The following ATP13A4 variants were observed in gnomAD, a reference collection of about 807,000 sequenced individuals.
ATP13A4 encodes the protein ATPase 13A4.
In ATP13A4, 114 loss-of-function variants were observed where a neutral mutation model predicts 142.5. The ratio of observed to expected loss-of-function variants is 0.80; its 90% CI spans 0.69 to 0.93. The LOEUF (loss-of-function observed/expected upper bound fraction) is 0.93. ATP13A4 is among the 40% of genes least tolerant of loss of function. The pLI is 0.00. For missense variants in ATP13A4, 1,392 were observed against 1,454.0 expected (o/e 0.96, Z 0.69); for synonymous variants, 488 against 514.8 (o/e 0.95, Z 0.70).
chr3:193,465,160 A>G, intron 11 of ATP13A4, 32 bp from the exon 12 acceptor site: 1 of 1,606,630 alleles, frequency 6.2e-7, no homozygotes, highest in Non-Finnish European at 8.5e-7. Flanking sequence ...ATTATTACAG[A>G]CAAATCTCTG....
At chr3:193,415,184 T>C (rs1375677986) in intron 25 of ATP13A4, among the ~76,000 whole-genome samples, 1 of 152,160 alleles carries the variant, frequency 6.6e-6, no homozygotes, top group Non-Finnish European at 1.5e-5. Flanking sequence ...TGTGAAAAAA[T>C]ATTCATTATG....
chr3:193,560,274 T>C (rs1422359733), intron 2 of ATP13A4, among the ~76,000 whole-genome samples: 99 of 151,942 alleles, frequency 6.5e-4, no homozygotes, highest in Non-Finnish European at 2.4e-4. Context: ...AGAGGTGCAA[T>C]CATGGTTCAC....
At chr3:193,478,334 A>G (rs1295464524) in intron 8 of ATP13A4, among the ~76,000 whole-genome samples, 1 of 151,988 alleles carries the variant, frequency 6.6e-6, no homozygotes, top group African/African-American at 2.4e-5. Context: ...ATTAAACAAA[A>G]AGCTGGTTCT....
intron 18 of ATP13A4, among the ~76,000 whole-genome samples, chr3:193,444,309 G>A (rs931690976): frequency 2.0e-5 from 3 of 152,178 alleles, no homozygotes; most frequent in Admixed American, 6.5e-5. Flanking sequence ...ACTTTGAAGT[G>A]TCAACTCTGA....
intron 8 of ATP13A4, among the ~76,000 whole-genome samples, chr3:193,480,740 G>C (rs749404191): frequency 2.0e-5 from 3 of 152,092 alleles, no homozygotes; most frequent in Non-Finnish European, 2.9e-5. Flanking sequence ...AGAACTAAAA[G>C]TAAATCTACC....
chr3:193,440,648 C>A lies in ATP13A4; in HGVS notation c.2440-11G>T, dbSNP rs1418991547. 2.5e-6 allele frequency: 4 copies of A among 1,613,348 alleles called. No homozygotes were observed. In the African/African-American group the frequency reaches 5.3e-5, roughly 22 times the overall value. On this transcript the variant is annotated splice_polypyrimidine_tract_variant and intron_variant, in intron 20 of 29. Coordinates refer to ENST00000342695, the MANE Select transcript of ATP13A4 (RefSeq NM_032279.4). ...CCCATTGATCAATATCTGTAAGGAA[C>A]CCAAAATGGAGATTTTTTTATCAAG... is the stretch of plus-strand genomic sequence containing the variant.
intron 8 of ATP13A4, among the ~76,000 whole-genome samples, chr3:193,473,191 G>T (rs1239948976): frequency 4.6e-5 from 7 of 152,252 alleles, no homozygotes; most frequent in Non-Finnish European, 8.8e-5. Flanking sequence ...GAATGTTGGG[G>T]ACATATTACA....
chr3:193,454,145 G>C lies in ATP13A4; in HGVS notation c.1983C>G (p.Ala661=). The C allele has an allele frequency of 6.2e-7, 1 of 1,614,068 alleles. No homozygotes were observed. Among genetic ancestry groups the C allele is most frequent in the Non-Finnish European group, 8.5e-7 (1 of 1,179,938 alleles). The change falls in exon 17 of 30, where the codon GCC becomes GCG. Residue 661 remains alanine (A), a synonymous_variant. Coordinates refer to ENST00000342695, the MANE Select transcript of ATP13A4 (RefSeq NM_032279.4). The part of the protein sequence containing the change: ...TTQGFRVIAL[A]YKKLENDHHA... ...GATGGTCATTTTCCAGCTTCTTGTA[G>C]GCCAGTGCTATGACTCGGAAGCCCT...
At chr3:193,501,102 A>G (rs1393479738) in intron 3 of ATP13A4, among the ~76,000 whole-genome samples, 2 of 152,164 alleles carry the variant, frequency 1.3e-5, no homozygotes, top group African/African-American at 4.8e-5. Flanking sequence ...TGACTTGGCC[A>G]TTTCTTCATT....
intron 19 of ATP13A4, among the ~76,000 whole-genome samples, chr3:193,441,862 T>C (rs1400461226): frequency 1.3e-5 from 2 of 152,208 alleles, no homozygotes; most frequent in African/African-American, 4.8e-5. Context: ...ATATCAAGTG[T>C]AAAATACAAA....
intron 1 of ATP13A4, among the ~76,000 whole-genome samples, chr3:193,529,202 G>A (rs1053326955): frequency 1.5e-4 from 23 of 151,908 alleles, no homozygotes; most frequent in African/African-American, 5.1e-4. Flanking sequence ...CCCAGGATGC[G>A]GAGGTTGCAG....
At chr3:193,447,563 A>G (rs1457745319) in intron 18 of ATP13A4, among the ~76,000 whole-genome samples, 1 of 152,172 alleles carries the variant, frequency 6.6e-6, no homozygotes, top group East Asian at 1.9e-4. Context: ...TCATTAGGAA[A>G]TCATTTATTC....
intron 12 of ATP13A4, among the ~76,000 whole-genome samples, chr3:193,464,619 T>C (rs559578224): frequency 1.3e-5 from 2 of 152,228 alleles, no homozygotes; most frequent in East Asian, 1.9e-4. Flanking sequence ...GCAGTGACGA[T>C]AGCAAAGGGT....
At chr3:193,404,452 G>A (rs977899711) in intron 29 of ATP13A4, among the ~76,000 whole-genome samples, 2 of 152,138 alleles carry the variant, frequency 1.3e-5, no homozygotes, top group African/African-American at 4.8e-5. Context: ...ATCTGAATTT[G>A]TATTTCCATC....
At chr3:193,467,774 A>G (rs1718388526) in intron 9 of ATP13A4, among the ~76,000 whole-genome samples, 1 of 152,214 alleles carries the variant, frequency 6.6e-6, no homozygotes, top group African/African-American at 2.4e-5. Context: ...ATAACTATTT[A>G]GGGAACCACA....
chr3:193,413,595 C>A (rs1714891939), intron 26 of ATP13A4, among the ~76,000 whole-genome samples: 1 of 152,136 alleles, frequency 6.6e-6, no homozygotes, highest in African/African-American at 2.4e-5. Context: ...GGAAGGAATG[C>A]ATTCCTGGAG....
In ATP13A4 at chr3:193,529,578, G is replaced by C. The variant is rs139323583; in HGVS notation, c.61-14707C>G. 4.6e-3 allele frequency among the ~76,000 whole-genome samples: 702 copies of C among 151,472 alleles called. 6 individuals carry two copies. Among genetic ancestry groups the C allele is most frequent in the African/African-American group, 0.016 (664 of 41,288 alleles). ...GGAAGGGCCACTCGTCATTGTGCAA[G>C]AGTGCCAAAATGCTAATAACGACAC... On this transcript the variant is annotated intron_variant, in intron 1 of 29. Coordinates refer to ENST00000342695, the MANE Select transcript of ATP13A4 (RefSeq NM_032279.4).
chr3:193,415,529 C>T lies in ATP13A4; in HGVS notation c.2843-779G>A, dbSNP rs574137575. ...AGCTTAGTGACAATCCTGAAGATAG[C>T]CTGCATTCCCAGAGGGAGACCCTGG... On this transcript the variant is annotated intron_variant, in intron 25 of 29. Coordinates refer to ENST00000342695, the MANE Select transcript of ATP13A4 (RefSeq NM_032279.4). Among the ~76,000 whole-genome samples the T allele has an allele frequency of 5.9e-5, 9 of 152,292 alleles. No homozygotes were observed. The South Asian group carries it at 1.0e-3, about 18-fold the overall frequency.
chr3:193,404,280 G>C, intron 29 of ATP13A4: 1 of 421,392 alleles, frequency 2.4e-6, no homozygotes, highest in Non-Finnish European at 3.2e-6. Context: ...CACACAGAGA[G>C]AGAAACTTTG....
Sources: allele counts gnomAD v4.1 joint callset (sites outside exome capture counted in the v4.1 genomes callset), GRCh38; gene constraint gnomAD v4.1.1; transcripts MANE v1.5; gene names NCBI Gene and HGNC (gene_info 2026-07-23, HGNC 2026-07-21).